Variants in ATG7 observed in about 807,000 individuals in gnomAD.
The protein encoded by ATG7 is ubiquitin-like modifier-activating enzyme ATG7.
In ATG7, 70 loss-of-function variants were observed where a neutral mutation model predicts 82.4. The ratio of observed to expected loss-of-function variants is 0.85; its 90% CI spans 0.70 to 1.04. The LOEUF (loss-of-function observed/expected upper bound fraction) is 1.04. Ranked by LOEUF, ATG7 falls within the 50% of genes least tolerant of loss-of-function variation. The pLI is 0.00. For missense variants in ATG7, 792 were observed against 864.3 expected (o/e 0.92, Z 1.05); for synonymous variants, 287 against 313.0 (o/e 0.92, Z 0.88).
At chr3:11,461,667 C>T (rs1205659874) in intron 20 of ATG7, among the ~76,000 whole-genome samples, 1 of 152,046 alleles carries the variant, frequency 6.6e-6, no homozygotes, top group Non-Finnish European at 1.5e-5. Context: ...TAATTAACCC[C>T]CAGAAACAGA....
At chr3:11,401,317 G>A (rs2079814081) in intron 19 of ATG7, among the ~76,000 whole-genome samples, 1 of 152,160 alleles carries the variant, frequency 6.6e-6, no homozygotes. Context: ...AAGGTTTCAA[G>A]TGAATATTTT....
chr3:11,517,834 G>C (rs950843172), intron 20 of ATG7, among the ~76,000 whole-genome samples: 18 of 152,242 alleles, frequency 1.2e-4, no homozygotes, highest in Non-Finnish European at 8.8e-5. Flanking sequence ...TGCCATGCAA[G>C]GCTTTGCCAG....
At chr3:11,423,598 ATTGAG>A (rs2082119361) in intron 19 of ATG7, among the ~76,000 whole-genome samples, 1 of 152,120 alleles carries the variant, frequency 6.6e-6, no homozygotes, top group African/African-American at 2.4e-5. Flanking sequence ...TTACTGAGGA[ATTGAG>A]TTATTTATTA....
chr3:11,554,770 A>G, intron 20 of ATG7, 41 bp from the exon 21 acceptor site: 2 of 1,609,966 alleles, frequency 1.2e-6, no homozygotes, highest in Non-Finnish European at 8.5e-7. Flanking sequence ...CCCACCGGGC[A>G]GTGGGACATC....
chr3:11,407,487 C>T (rs1045734080), intron 19 of ATG7, among the ~76,000 whole-genome samples: 1 of 152,214 alleles, frequency 6.6e-6, no homozygotes, highest in Non-Finnish European at 1.5e-5. Flanking sequence ...CACAGCTTCA[C>T]TAGGCAGTGC....
chr3:11,334,281 G>A (rs1342315042), intron 11 of ATG7, among the ~76,000 whole-genome samples: 1 of 151,702 alleles, frequency 6.6e-6, no homozygotes, highest in African/African-American at 2.4e-5. Context: ...GTCTAGCTTT[G>A]TCACCCAGGC....
chr3:11,429,439 T>A (rs2082663372), intron 20 of ATG7, among the ~76,000 whole-genome samples: 1 of 151,654 alleles, frequency 6.6e-6, no homozygotes, highest in African/African-American at 2.4e-5. Context: ...AAGGTTGCAG[T>A]GAACCAAGAT....
the ATG7 span, among the ~76,000 whole-genome samples, chr3:11,575,922 G>T: frequency 6.6e-6 from 1 of 152,234 alleles, no homozygotes; most frequent in Non-Finnish European, 1.5e-5. Context: ...TCACGGAAAT[G>T]CTGGCCAGCA....
At chr3:11,549,055 T>A (rs1031580558) in intron 20 of ATG7, among the ~76,000 whole-genome samples, 2 of 151,614 alleles carry the variant, frequency 1.3e-5, no homozygotes, top group Non-Finnish European at 2.9e-5. Flanking sequence ...CAGCGTTATC[T>A]CAGTGCAGCT....
At chr3:11,337,488 C>CTCTATA (rs1553618168) in intron 11 of ATG7, among the ~76,000 whole-genome samples, 1 of 141,130 alleles carries the variant, frequency 7.1e-6, no homozygotes, top group African/African-American at 3.0e-5. Context: ...CTCTCTCTCT[C>CTCTATA]TATATATATA....
chr3:11,444,734 T>C lies in ATG7; in HGVS notation c.2079+17808T>C, dbSNP rs142651582. 1.7e-3 allele frequency among the ~76,000 whole-genome samples: 264 copies of C among 152,204 alleles called. 3 individuals carry two copies. In the East Asian group the frequency reaches 0.041, roughly 24 times the overall value. On this transcript the variant is annotated intron_variant, in intron 20 of 20. Transcript: ENST00000693202. ...ATTGACAAATGGGATCTAATTAAACTAAAGAGCTTCTGCACAGCAAAAGAA... is the reference window on the plus strand; with the variant it reads ...ATTGACAAATGGGATCTAATTAAACCAAAGAGCTTCTGCACAGCAAAAGAA...
At chr3:11,388,711 A>G (rs999083582) in intron 19 of ATG7, among the ~76,000 whole-genome samples, 1 of 151,900 alleles carries the variant, frequency 6.6e-6, no homozygotes, top group African/African-American at 2.4e-5. Flanking sequence ...TACAGGTGTG[A>G]GCCACTGCGC....
intron 20 of ATG7, among the ~76,000 whole-genome samples, chr3:11,523,019 G>A (rs1474519585): frequency 1.3e-5 from 2 of 152,140 alleles, no homozygotes; most frequent in Non-Finnish European, 2.9e-5. Context: ...GCTTTTCAGA[G>A]GTGCCGATGA....
rs58838386 is a variant in ATG7 at position 11,497,357 on chromosome 3, CTATATATATATATATATATATATA to C, written c.2080-57442_2080-57419del. Among the ~76,000 whole-genome samples the C allele has an allele frequency of 1.9e-4, 11 of 57,320 alleles. No homozygotes were observed. The South Asian group carries it at 6.4e-3, about 33-fold the overall frequency. The allele number at this position is 57,320 out of a possible 152,430, so 37.6% of individuals were successfully genotyped here. A position where few individuals can be genotyped will look rare whatever the true frequency, so the allele number is the denominator to read the frequency against. On this transcript the variant is annotated intron_variant, in intron 20 of 20. Transcript: ENST00000693202. ...TGAAACCCCGTCTGTACTAAAAATA[CTATATATATATATATATATATATA>C]TATATATATATTTAGCCAGGCATGG...
chr3:11,506,139 A>C (rs1357339017), intron 20 of ATG7, among the ~76,000 whole-genome samples: 2 of 152,124 alleles, frequency 1.3e-5, no homozygotes, highest in South Asian at 4.1e-4. Context: ...TAGTACATTT[A>C]TTATTACTGA....
At position 11,416,655 on chromosome 3, in the gene ATG7, G is replaced by A. The variant is rs1464319846; in HGVS notation, c.1957-10149G>A. Among the ~76,000 whole-genome samples, 3 of 152,018 alleles carry A rather than the reference G, an allele frequency of 2.0e-5. No homozygotes were observed. The East Asian group carries it at 5.8e-4, about 29-fold the overall frequency. ...TACCTTGTCAAAGAACTAGCTTTTG[G>A]TTTTATTGATTGTTTGTTTCTCCAT... On this transcript the variant is annotated intron_variant, in intron 19 of 20. Coordinates refer to ENST00000693202, the MANE Select transcript of ATG7 (RefSeq NM_001349232.2).
At chr3:11,520,138 C>T (rs2092403339) in intron 20 of ATG7, among the ~76,000 whole-genome samples, 1 of 152,154 alleles carries the variant, frequency 6.6e-6, no homozygotes, top group Admixed American at 6.5e-5. Context: ...GACAAGGAAA[C>T]TGAGGCTCAG....
chr3:11,342,333 C>G, intron 13 of ATG7, 54 bp downstream of exon 13: 1 of 1,562,498 alleles, frequency 6.4e-7, no homozygotes, highest in South Asian at 1.2e-5. Flanking sequence ...AGCTTCTCTT[C>G]TTGTTTTACT....
chr3:11,419,142 A>G (rs1202193398), intron 19 of ATG7, among the ~76,000 whole-genome samples: 2 of 152,232 alleles, frequency 1.3e-5, no homozygotes, highest in South Asian at 2.1e-4. Flanking sequence ...AAGAGCAAGT[A>G]AGTATAATGC....
Sources: allele counts gnomAD v4.1 joint callset (sites outside exome capture counted in the v4.1 genomes callset), GRCh38; gene constraint gnomAD v4.1.1; transcripts MANE v1.5; gene names NCBI Gene and HGNC (gene_info 2026-07-23, HGNC 2026-07-21).